The following B4GALT1 variants were observed in gnomAD, a reference collection of about 807,000 sequenced individuals.
The protein encoded by B4GALT1 is beta-1,4-galactosyltransferase 1.
B4GALT1 carries 16 observed loss-of-function variants against 34.9 expected under a neutral mutation model. The observed-to-expected ratio is 0.46, with a 90% confidence interval of 0.31 to 0.70. The LOEUF is 0.70. B4GALT1 is among the 30% of genes least tolerant of loss of function. The pLI is 0.05. For missense variants in B4GALT1, 445 were observed against 530.5 expected (o/e 0.84, Z 1.58); for synonymous variants, 221 against 218.1 (o/e 1.01, Z -0.12).
chr9:33,138,524 T>C (rs1260192770), intron 1 of B4GALT1, among the ~76,000 whole-genome samples: 2 of 152,148 alleles, frequency 1.3e-5, no homozygotes, highest in African/African-American at 4.8e-5. Flanking sequence ...GTGTCCAGCA[T>C]AGGAGAGGTG....
chr9:33,173,935 C>A, the B4GALT1 span, among the ~76,000 whole-genome samples: 1 of 151,990 alleles, frequency 6.6e-6, no homozygotes, highest in Admixed American at 6.6e-5. Flanking sequence ...GAAACTATTA[C>A]CAGTTGAACA....
At chr9:33,157,063 T>TAC (rs371027641) in intron 1 of B4GALT1, among the ~76,000 whole-genome samples, 5,267 of 87,244 alleles carry the variant, frequency 0.06, 364 homozygotes, top group Middle Eastern at 0.071. Context: ...CATAGGGAAC[T>TAC]ACACACACAC....
At chr9:33,159,617 G>C (rs1840646649) in intron 1 of B4GALT1, among the ~76,000 whole-genome samples, 1 of 152,210 alleles carries the variant, frequency 6.6e-6, no homozygotes, top group African/African-American at 2.4e-5. Context: ...ACCAGGTTCT[G>C]CCTCTCCCTA....
chr9:33,171,918 T>C (rs1361295322), upstream of B4GALT1, among the ~76,000 whole-genome samples: 1 of 152,204 alleles, frequency 6.6e-6, no homozygotes, highest in Non-Finnish European at 1.5e-5. Context: ...CACAGTAGTT[T>C]GCCCAATGGC....
At chr9:33,107,502 C>A (rs986530607), downstream of B4GALT1, among the ~76,000 whole-genome samples, 1 of 152,174 alleles carries the variant, frequency 6.6e-6, no homozygotes, top group South Asian at 2.1e-4. Flanking sequence ...CACTCATTCA[C>A]CCCCAGGGGC....
At chr9:33,154,007 G>C (rs1445362294) in intron 1 of B4GALT1, among the ~76,000 whole-genome samples, 1 of 117,742 alleles carries the variant, frequency 8.5e-6, no homozygotes, top group African/African-American at 3.3e-5. Flanking sequence ...GGAGGGGAGA[G>C]AGAGAGAGAG....
the B4GALT1 span, among the ~76,000 whole-genome samples, chr9:33,179,172 C>A: frequency 9.6e-4 from 146 of 152,326 alleles, no homozygotes; most frequent in African/African-American, 3.5e-3. Context: ...TTCAAAGTCA[C>A]ATGACAAAGG....
intron 1 of B4GALT1, among the ~76,000 whole-genome samples, chr9:33,161,425 AC>A (rs753497935): frequency 5.3e-5 from 8 of 152,088 alleles, no homozygotes; most frequent in Non-Finnish European, 1.2e-4. Flanking sequence ...GCCTCAGCTC[AC>A]CCGGCAATGG....
Position 33,111,159 on chromosome 9 carries a change from C to T in B4GALT1, c.*2295G>A, listed in dbSNP as rs553864348. The T allele has an allele frequency of 2.0e-5, 3 of 149,150 alleles. No individual in the cohort carries two copies. The East Asian group carries it at 6.0e-4, about 30-fold the overall frequency. The allele number at this position is 149,150 out of a possible 1,614,324, so 9.2% of individuals were successfully genotyped here. On this transcript the variant is annotated 3_prime_UTR_variant, in exon 6 of 6. Transcript: ENST00000379731. ...GGCTGTGCCTTGGGCCCAGGTGAGC[C>T]CATGAGAGCACTACGTCAGCAAATG... is the stretch of plus-strand genomic sequence containing the variant.
the B4GALT1 span, among the ~76,000 whole-genome samples, chr9:33,180,640 T>C: frequency 1.1e-4 from 16 of 152,310 alleles, no homozygotes; most frequent in East Asian, 2.3e-3. Context: ...GCTGCCTCCA[T>C]GAATAATTTC....
intron 1 of B4GALT1, among the ~76,000 whole-genome samples, chr9:33,149,344 G>GCA (rs1840476809): frequency 6.6e-6 from 1 of 151,806 alleles, no homozygotes; most frequent in Admixed American, 6.6e-5. Flanking sequence ...GCAGTGGCGT[G>GCA]ATTTCAGCTC....
intron 1 of B4GALT1, among the ~76,000 whole-genome samples, chr9:33,161,021 T>TTCTC (rs35401344): frequency 0.062 from 9,209 of 149,196 alleles, 300 homozygotes; most frequent in Non-Finnish European, 0.073. Context: ...AGGCAAGTCA[T>TTCTC]TCTCTCTCTC....
chr9:33,116,428 T>C (rs2118030847), intron 3 of B4GALT1, among the ~76,000 whole-genome samples: 1 of 151,596 alleles, frequency 6.6e-6, no homozygotes, highest in East Asian at 1.9e-4. Flanking sequence ...TTCACCATGT[T>C]GGTCAGGATG....
chr9:33,160,773 GA>G (rs1002916565), intron 1 of B4GALT1, among the ~76,000 whole-genome samples: 5 of 149,980 alleles, frequency 3.3e-5, no homozygotes, highest in South Asian at 4.2e-4. Context: ...AAAAGAAAAA[GA>G]AAAAAAAATA....
chr9:33,136,990 ACCC>A (rs60371294), intron 1 of B4GALT1, among the ~76,000 whole-genome samples: 1 of 151,848 alleles, frequency 6.6e-6, no homozygotes, highest in Non-Finnish European at 1.5e-5. Context: ...TGCCACTTCC[ACCC>A]CCTTCCCCAG....
chr9:33,126,218 C>T (rs1232795074), intron 2 of B4GALT1, among the ~76,000 whole-genome samples: 2 of 152,056 alleles, frequency 1.3e-5, no homozygotes, highest in Non-Finnish European at 2.9e-5. Context: ...GGAACTAGGC[C>T]GAGTGGGTTG....
chr9:33,113,248 G>A lies in B4GALT1; in HGVS notation c.*206C>T. ...AAACCCGCAAAGGCATAAACACCTTGCAGAGCTAAGAATTCACATGCCGAG... is the reference window on the plus strand; with the variant it reads ...AAACCCGCAAAGGCATAAACACCTTACAGAGCTAAGAATTCACATGCCGAG... On this transcript the variant is annotated 3_prime_UTR_variant, in exon 6 of 6. Transcript: ENST00000379731. 1 of 679,342 alleles carries A rather than the reference G, an allele frequency of 1.5e-6. No individual in the cohort carries two copies. Among genetic ancestry groups the A allele is most frequent in the Admixed American group, 2.3e-5 (1 of 43,902 alleles). 42.1% of individuals were successfully genotyped at this position (679,342 alleles called of 1,614,324 possible).
chr9:33,104,759 A>G (rs894312074), exon 3 of B4GALT1: 6 of 455,682 alleles, frequency 1.3e-5, no homozygotes, highest in Non-Finnish European at 2.6e-5. Flanking sequence ...CCTTCACCAC[A>G]GGAGTCTTCT....
chr9:33,123,690 T>C (rs1018565098), intron 2 of B4GALT1, among the ~76,000 whole-genome samples: 28 of 152,192 alleles, frequency 1.8e-4, no homozygotes, highest in African/African-American at 6.8e-4. Flanking sequence ...CCTTGGCTGT[T>C]TGATCTAAGC....
Sources: allele counts gnomAD v4.1 joint callset (sites outside exome capture counted in the v4.1 genomes callset), GRCh38; gene constraint gnomAD v4.1.1; transcripts MANE v1.5; gene names NCBI Gene and HGNC (gene_info 2026-07-23, HGNC 2026-07-21).